Variants in MARCHF11 observed in about 807,000 individuals in gnomAD.
The protein encoded by MARCHF11 is E3 ubiquitin-protein ligase MARCHF11.
Under a neutral mutation model 37.3 loss-of-function variants are expected in MARCHF11, and 29 were observed. That is an observed-to-expected ratio of 0.78 (90% CI 0.58 to 1.06). MARCHF11 has a LOEUF of 1.06. MARCHF11 is among the 50% of genes least tolerant of loss of function. The pLI is 0.00. For missense variants in MARCHF11, 482 were observed against 533.4 expected (o/e 0.90, Z 0.95); for synonymous variants, 233 against 228.0 (o/e 1.02, Z -0.20).
chr5:16,138,401 G>A (rs949727286), intron 2 of MARCHF11, among the ~76,000 whole-genome samples: 5 of 152,318 alleles, frequency 3.3e-5, no homozygotes, highest in Middle Eastern at 3.4e-3. Flanking sequence ...TGAGATTTGC[G>A]AACTTCTCCC....
chr5:16,105,301 A>G (rs1737018822), intron 2 of MARCHF11, among the ~76,000 whole-genome samples: 1 of 152,232 alleles, frequency 6.6e-6, no homozygotes. Context: ...GAATGGAGAA[A>G]GGGAGGGATA....
Position 16,090,960 on chromosome 5 carries a change from A to C in MARCHF11, c.815T>G (p.Val272Gly). Reference sequence around the variant, plus strand: ...AAAAAGGATGTCCTTCCTCTGCCACACTGCATAGGGGCTGAAGGCTGACCA... The same window carrying C: ...AAAAAGGATGTCCTTCCTCTGCCACCCTGCATAGGGGCTGAAGGCTGACCA... ...LLWSAFSPYA[V>G]WQRKDILFQI... The change falls in exon 3 of 4, where the codon GTG becomes GGG. Residue 272 changes from valine to glycine, a missense_variant. Transcript: ENST00000332432. 1 of 1,611,816 alleles carries C rather than the reference A, an allele frequency of 6.2e-7. No individual in the cohort carries two copies. Among genetic ancestry groups the C allele is most frequent in the Non-Finnish European group, 8.5e-7 (1 of 1,179,384 alleles).
At chr5:16,076,595 C>A (rs1030374075) in intron 3 of MARCHF11, among the ~76,000 whole-genome samples, 3 of 152,164 alleles carry the variant, frequency 2.0e-5, no homozygotes, top group African/African-American at 7.2e-5. Context: ...TCATATATCA[C>A]AGGGGTAAGA....
At chr5:16,139,481 A>G (rs1423798395) in intron 2 of MARCHF11, among the ~76,000 whole-genome samples, 2 of 152,186 alleles carry the variant, frequency 1.3e-5, no homozygotes, top group East Asian at 1.9e-4. Flanking sequence ...GGACTAATAC[A>G]TATGCTATAT....
intron 2 of MARCHF11, among the ~76,000 whole-genome samples, chr5:16,128,090 T>C (rs1339760130): frequency 6.6e-6 from 1 of 152,184 alleles, no homozygotes; most frequent in East Asian, 1.9e-4. Flanking sequence ...CTTCTAACCC[T>C]ACTCATACCA....
chr5:16,157,473 T>C (rs575975995), intron 2 of MARCHF11, among the ~76,000 whole-genome samples: 1 of 152,040 alleles, frequency 6.6e-6, no homozygotes, highest in South Asian at 2.1e-4. Context: ...CAAAACAGCA[T>C]GGTGCTAGCA....
At chr5:16,079,516 C>T (rs578159138) in intron 3 of MARCHF11, among the ~76,000 whole-genome samples, 1 of 152,210 alleles carries the variant, frequency 6.6e-6, no homozygotes, top group Non-Finnish European at 1.5e-5. Context: ...CCCAGTCTCA[C>T]CACTTCACCT....
intron 3 of MARCHF11, among the ~76,000 whole-genome samples, chr5:16,071,242 A>G (rs947384074): frequency 6.6e-6 from 1 of 152,222 alleles, no homozygotes; most frequent in Non-Finnish European, 1.5e-5. Context: ...AAACGTAAAT[A>G]CTGAATATTT....
intron 2 of MARCHF11, among the ~76,000 whole-genome samples, chr5:16,125,526 C>T (rs934703676): frequency 1.0e-3 from 158 of 152,126 alleles, no homozygotes; most frequent in African/African-American, 3.7e-3. Context: ...AGCCTAGTCC[C>T]CAGGAATGGA....
At chr5:16,139,177 C>A in intron 2 of MARCHF11, among the ~76,000 whole-genome samples, 1 of 152,118 alleles carries the variant, frequency 6.6e-6, no homozygotes, top group East Asian at 1.9e-4. Context: ...CCATAATACC[C>A]CCATGTTGTG....
At chr5:16,126,249 T>G (rs1194658123) in intron 2 of MARCHF11, among the ~76,000 whole-genome samples, 1 of 152,160 alleles carries the variant, frequency 6.6e-6, no homozygotes, top group Non-Finnish European at 1.5e-5. Context: ...TCATCTGACA[T>G]AGAAAGAAAG....
In MARCHF11 at chr5:16,159,983, T is replaced by C. The variant is rs10475074; in HGVS notation, c.693+17743A>G. Among the ~76,000 whole-genome samples the C allele has an allele frequency of 3.6e-3, 548 of 152,042 alleles. 2 individuals carry two copies. Among genetic ancestry groups the C allele is most frequent in the African/African-American group, 0.012 (512 of 41,520 alleles). ...TCTCATCTAATTCTCTTTAAAAATG[T>C]TGCCCTAAGCAAAATAAAATACCAT... On this transcript the variant is annotated intron_variant, in intron 2 of 3. Coordinates refer to ENST00000332432, the MANE Select transcript of MARCHF11 (RefSeq NM_001102562.3).
At chr5:16,168,070 A>G (rs1478754483) in intron 2 of MARCHF11, among the ~76,000 whole-genome samples, 2 of 152,046 alleles carry the variant, frequency 1.3e-5, no homozygotes, top group African/African-American at 4.8e-5. Flanking sequence ...ATCCATCATC[A>G]CTTCATACTG....
At chr5:16,092,179 T>G (rs755840719) in intron 2 of MARCHF11, among the ~76,000 whole-genome samples, 14 of 151,610 alleles carry the variant, frequency 9.2e-5, no homozygotes, top group Non-Finnish European at 1.6e-4. Flanking sequence ...TGATCCTCTC[T>G]CCCTCATTGT....
chr5:16,132,033 T>A (rs185681571), intron 2 of MARCHF11, among the ~76,000 whole-genome samples: 161 of 152,332 alleles, frequency 1.1e-3, no homozygotes, highest in African/African-American at 3.6e-3. Flanking sequence ...CTACGGGGGA[T>A]TCATTTCATC....
At chr5:16,087,347 A>G (rs1736716333) in intron 3 of MARCHF11, among the ~76,000 whole-genome samples, 1 of 152,170 alleles carries the variant, frequency 6.6e-6, no homozygotes, top group Non-Finnish European at 1.5e-5. Context: ...TCTCAAACTC[A>G]TTTTCACTTT....
intron 2 of MARCHF11, among the ~76,000 whole-genome samples, chr5:16,138,970 T>C (rs565443444): frequency 6.6e-6 from 1 of 152,292 alleles, no homozygotes; most frequent in South Asian, 2.1e-4. Flanking sequence ...ATAGGCAGAA[T>C]GGACTTGCCT....
intron 3 of MARCHF11, among the ~76,000 whole-genome samples, chr5:16,086,198 C>T (rs769007574): frequency 6.6e-6 from 1 of 151,972 alleles, no homozygotes; most frequent in Non-Finnish European, 1.5e-5. Flanking sequence ...TTTCTCAACA[C>T]CATGTACAGT....
chr5:16,083,199 G>A (rs923472722), intron 3 of MARCHF11, among the ~76,000 whole-genome samples: 7 of 152,224 alleles, frequency 4.6e-5, no homozygotes, highest in Admixed American at 3.3e-4. Flanking sequence ...TCCACTTCCC[G>A]TAGAGAAAGT....
Sources: gnomAD v4.1 joint callset for allele counts (sites outside exome capture counted in the v4.1 genomes callset) on GRCh38, gnomAD v4.1.1 for gene constraint, MANE v1.5 for transcripts, NCBI Gene and HGNC (gene_info 2026-07-23, HGNC 2026-07-21) for gene names.